DPF3: variants seen among roughly 807,000 people sequenced by gnomAD.
The protein encoded by DPF3 is double PHD fingers 3.
Under a neutral mutation model 56.8 loss-of-function variants are expected in DPF3, and 18 were observed. That is an observed-to-expected ratio of 0.32 (90% CI 0.22 to 0.47). The LOEUF (loss-of-function observed/expected upper bound fraction) is 0.47. Among genes scored for constraint, DPF3 ranks in the 20% least tolerant of loss-of-function variants. The pLI is 1.00. For synonymous variants in DPF3, 188 were observed against 180.2 expected, an observed-to-expected ratio of 1.04 and a Z score of -0.35; for missense variants, 403 against 488.8, an observed-to-expected ratio of 0.82 and a Z score of 1.65.
intron 3 of DPF3, among the ~76,000 whole-genome samples, chr14:72,733,631 A>C (rs1476002184): frequency 6.6e-6 from 1 of 152,164 alleles, no homozygotes; most frequent in Non-Finnish European, 1.5e-5. Context: ...AACCTTAAAC[A>C]GAAGCGAGAG....
At chr14:72,755,872 C>A (rs1890767714) in intron 2 of DPF3, among the ~76,000 whole-genome samples, 1 of 152,198 alleles carries the variant, frequency 6.6e-6, no homozygotes, top group South Asian at 2.1e-4. Flanking sequence ...ACCAGGGTTC[C>A]TTTATAGGAA....
intron 3 of DPF3, among the ~76,000 whole-genome samples, chr14:72,750,542 A>T (rs992908419): frequency 1.3e-5 from 2 of 152,148 alleles, no homozygotes; most frequent in Non-Finnish European, 1.5e-5. Context: ...TGCATCACTC[A>T]CTGGTTAAAT....
rs1197599120 is a variant in DPF3, at chr14:72,618,533, C to T, written c.*764G>A. 6.6e-6 allele frequency among the ~76,000 whole-genome samples: 1 copy of T among 152,204 alleles called. No homozygotes were observed. The highest frequency in any genetic ancestry group is 1.5e-5 in the Non-Finnish European group (1 of 68,034). ...GCCCCAGCTCTGAAGGTCAAGGAAC[C>T]AGCCTGGCCTCTTGCAAAGTCTCTC... is the stretch of plus-strand genomic sequence containing the variant. On this transcript the variant is annotated 3_prime_UTR_variant, in exon 11 of 11. Transcript: ENST00000556509.
At chr14:72,692,283 C>T (rs935381042) in intron 7 of DPF3, among the ~76,000 whole-genome samples, 3 of 152,164 alleles carry the variant, frequency 2.0e-5, no homozygotes, top group Non-Finnish European at 4.4e-5. Flanking sequence ...CTCAGTGTGG[C>T]CCACATCTTC....
chr14:72,880,532 G>A (rs775575220), intron 1 of DPF3, among the ~76,000 whole-genome samples: 20 of 152,184 alleles, frequency 1.3e-4, no homozygotes, highest in Non-Finnish European at 2.8e-4. Context: ...GCCAAAGGTA[G>A]GCTGAGAGGA....
At chr14:72,782,918 T>C (rs1293535248) in intron 1 of DPF3, among the ~76,000 whole-genome samples, 1 of 151,896 alleles carries the variant, frequency 6.6e-6, no homozygotes, top group African/African-American at 2.4e-5. Context: ...CAGAGCAAAA[T>C]CCAAACTCCT....
At chr14:72,865,693 G>A (rs896202174) in intron 1 of DPF3, among the ~76,000 whole-genome samples, 11 of 152,196 alleles carry the variant, frequency 7.2e-5, no homozygotes, top group Admixed American at 2.6e-4. Context: ...AATGCAGGGC[G>A]TGTGCAAGTT....
chr14:72,662,378 G>T, intron 8 of DPF3: 1 of 985,014 alleles, frequency 1.0e-6, no homozygotes, highest in Non-Finnish European at 1.2e-6. Context: ...CTTAACTTTT[G>T]AAGTAGGAGG....
chr14:72,846,114 T>C (rs1884743209), intron 1 of DPF3, among the ~76,000 whole-genome samples: 1 of 149,566 alleles, frequency 6.7e-6, no homozygotes, highest in African/African-American at 2.5e-5. Flanking sequence ...TTTATTTTAT[T>C]TTATTTTATT....
intron 1 of DPF3, among the ~76,000 whole-genome samples, chr14:72,860,867 CTTAA>C (rs1277435546): frequency 6.6e-6 from 1 of 152,140 alleles, no homozygotes; most frequent in Non-Finnish European, 1.5e-5. Context: ...CGCCCGGCAG[CTTAA>C]TTCTTTTAAT....
At chr14:72,647,245 A>C in intron 8 of DPF3, among the ~76,000 whole-genome samples, 1 of 152,226 alleles carries the variant, frequency 6.6e-6, no homozygotes, top group East Asian at 1.9e-4. Flanking sequence ...TTTTGGCACC[A>C]CTAAACCTCT....
intron 6 of DPF3, among the ~76,000 whole-genome samples, chr14:72,710,688 C>G (rs1888615739): frequency 6.6e-6 from 1 of 152,226 alleles, no homozygotes; most frequent in African/African-American, 2.4e-5. Flanking sequence ...TGGTCCGGGC[C>G]TACACTTTCA....
chr14:72,697,781 G>T (rs1887967877), intron 6 of DPF3, among the ~76,000 whole-genome samples: 1 of 152,136 alleles, frequency 6.6e-6, no homozygotes, highest in African/African-American at 2.4e-5. Context: ...GGAAAAATGG[G>T]GTGGGAGAGG....
At chr14:72,695,346 G>A (rs1247954231) in intron 6 of DPF3, among the ~76,000 whole-genome samples, 2 of 152,142 alleles carry the variant, frequency 1.3e-5, no homozygotes, top group African/African-American at 2.4e-5. Flanking sequence ...TGCATCTTAG[G>A]TACTGGATCT....
At chr14:72,776,850 C>T (rs1891760636) in intron 1 of DPF3, among the ~76,000 whole-genome samples, 1 of 151,426 alleles carries the variant, frequency 6.6e-6, no homozygotes, top group African/African-American at 2.4e-5. Context: ...ACTCAAGTCT[C>T]AATCCTCCTA....
At chr14:72,817,790 T>C (rs1357823127) in intron 1 of DPF3, among the ~76,000 whole-genome samples, 8 of 152,238 alleles carry the variant, frequency 5.3e-5, no homozygotes, top group African/African-American at 1.9e-4. Context: ...TACATAGCAA[T>C]GGAGTAAATC....
At chr14:72,889,277 G>A (rs560331017) in intron 1 of DPF3, among the ~76,000 whole-genome samples, 35 of 152,226 alleles carry the variant, frequency 2.3e-4, no homozygotes, top group Non-Finnish European at 4.6e-4. Flanking sequence ...TTGGGTTCTC[G>A]CAGACATTAA....
intron 1 of DPF3, among the ~76,000 whole-genome samples, chr14:72,887,197 A>ACACAC (rs1886584720): frequency 4.8e-5 from 7 of 147,148 alleles, no homozygotes; most frequent in Admixed American, 1.4e-4. Flanking sequence ...ACACACACAC[A>ACACAC]AAAGGAAGCA....
intron 3 of DPF3, among the ~76,000 whole-genome samples, chr14:72,746,475 T>G (rs1349513487): frequency 6.6e-6 from 1 of 152,158 alleles, no homozygotes. Context: ...TTGTGGGGGT[T>G]GTTTCTGTGT....
Sources: gnomAD v4.1 joint callset for allele counts (sites outside exome capture counted in the v4.1 genomes callset) on GRCh38, gnomAD v4.1.1 for gene constraint, MANE v1.5 for transcripts, NCBI Gene and HGNC (gene_info 2026-07-23, HGNC 2026-07-21) for gene names.